FAM53B: variants seen among roughly 807,000 people sequenced by gnomAD.
FAM53B encodes family with sequence similarity 53 member B.
A neutral mutation model predicts 32.7 loss-of-function variants in FAM53B; 12 were observed. The observed-to-expected ratio is 0.37, with a 90% confidence interval of 0.24 to 0.59. The LOEUF (loss-of-function observed/expected upper bound fraction) is 0.59. FAM53B is among the 20% of genes least tolerant of loss of function. The pLI is 0.72. For synonymous variants in FAM53B, 234 were observed against 228.7 expected (o/e 1.02, Z -0.21); for missense variants, 477 against 577.7 (o/e 0.83, Z 1.79).
intron 2 of FAM53B, among the ~76,000 whole-genome samples, chr10:124,700,861 T>C (rs575233681): frequency 4.3e-4 from 65 of 152,212 alleles, no homozygotes; most frequent in Non-Finnish European, 8.4e-4. Flanking sequence ...CTCGCGCTCA[T>C]GCCCTGCGGG....
intron 1 of FAM53B, among the ~76,000 whole-genome samples, chr10:124,723,356 C>T (rs1463454274): frequency 6.6e-6 from 1 of 152,228 alleles, no homozygotes; most frequent in Non-Finnish European, 1.5e-5. Flanking sequence ...TTTCCGATAG[C>T]TATCAAAATG....
Position 124,671,696 on chromosome 10 carries a change from G to A in FAM53B, c.906+9911C>T, listed in dbSNP as rs140604134. ...GGTGACACATTACTGATGTGAGCTCGCGTTACTGCTCACAAACTAAGCCTC... is the reference window on the plus strand; with the variant it reads ...GGTGACACATTACTGATGTGAGCTCACGTTACTGCTCACAAACTAAGCCTC... On this transcript the variant is annotated intron_variant, in intron 4 of 4. Transcript: ENST00000337318. Among the ~76,000 whole-genome samples the A allele has an allele frequency of 2.7e-3, 413 of 152,284 alleles. 1 individual carries two copies. The highest frequency in any genetic ancestry group is 9.5e-3 in the African/African-American group (393 of 41,552).
intron 3 of FAM53B, among the ~76,000 whole-genome samples, chr10:124,685,213 A>T (rs918773301): frequency 1.3e-5 from 2 of 152,256 alleles, no homozygotes; most frequent in Non-Finnish European, 2.9e-5. Flanking sequence ...TTAATAGTGG[A>T]TTGGCAGACA....
chr10:124,654,697 C>T (rs1949576390), intron 4 of FAM53B, among the ~76,000 whole-genome samples: 1 of 152,192 alleles, frequency 6.6e-6, no homozygotes, highest in Non-Finnish European at 1.5e-5. Flanking sequence ...GAGGAAGGGA[C>T]ATCTCTGCGG....
In FAM53B at chr10:124,740,035, T is replaced by A. The variant is rs545765103; in HGVS notation, c.-175+3978A>T. Reference sequence around the variant, plus strand: ...GAAAAGCTCAAGTATCTCCAATCACTGTGAGGGGAAAGAAAATAAAATCTT... The same window carrying A: ...GAAAAGCTCAAGTATCTCCAATCACAGTGAGGGGAAAGAAAATAAAATCTT... On this transcript the variant is annotated intron_variant, in intron 1 of 4. Coordinates refer to ENST00000337318, the MANE Select transcript of FAM53B (RefSeq NM_014661.4). Among the ~76,000 whole-genome samples the A allele has an allele frequency of 2.6e-5, 4 of 152,286 alleles. No individual in the cohort carries two copies. In the South Asian group the frequency reaches 8.3e-4, roughly 32 times the overall value.
chr10:124,716,832 C>T (rs1007886264), intron 1 of FAM53B, among the ~76,000 whole-genome samples: 2 of 151,852 alleles, frequency 1.3e-5, no homozygotes, highest in Admixed American at 1.3e-4. Flanking sequence ...AGCTAGATGC[C>T]GCCTTCTGCT....
intron 4 of FAM53B, among the ~76,000 whole-genome samples, chr10:124,642,613 G>A (rs1949484165): frequency 6.6e-6 from 1 of 152,230 alleles, no homozygotes. Flanking sequence ...AGTGAACACG[G>A]AACCTGAAAT....
intron 4 of FAM53B, among the ~76,000 whole-genome samples, chr10:124,639,686 C>T (rs1358998948): frequency 6.6e-6 from 1 of 152,164 alleles, no homozygotes; most frequent in Non-Finnish European, 1.5e-5. Flanking sequence ...CCCCCCCTTT[C>T]TATATTTTCC....
intron 4 of FAM53B, among the ~76,000 whole-genome samples, chr10:124,668,085 G>A (rs564939777): frequency 4.6e-5 from 7 of 152,350 alleles, no homozygotes; most frequent in African/African-American, 1.7e-4. Context: ...CCTAGGTTTG[G>A]AGCAGATGCC....
rs1949890789 is a variant in FAM53B, at chr10:124,698,524, A to G, written c.79-2312T>C. Among the ~76,000 whole-genome samples, 3 of 152,146 alleles carry G rather than the reference A, an allele frequency of 2.0e-5. 1 individual carries two copies. The South Asian group carries it at 6.2e-4, about 31-fold the overall frequency. Reference sequence around the variant, plus strand: ...GATGCTGGGGTCTGTCTGCCCACAGAGGCAGCACTGGGCCAGCACACAGAG... The same window carrying G: ...GATGCTGGGGTCTGTCTGCCCACAGGGGCAGCACTGGGCCAGCACACAGAG... On this transcript the variant is annotated intron_variant, in intron 2 of 4. Transcript: ENST00000337318.
chr10:124,686,985 C>G (rs1949806786), intron 3 of FAM53B, among the ~76,000 whole-genome samples: 1 of 152,242 alleles, frequency 6.6e-6, no homozygotes, highest in African/African-American at 2.4e-5. Flanking sequence ...TATTGTGTAT[C>G]AACACCAGCC....
intron 4 of FAM53B, among the ~76,000 whole-genome samples, chr10:124,670,479 G>A (rs1275844399): frequency 6.6e-6 from 1 of 152,096 alleles, no homozygotes; most frequent in Non-Finnish European, 1.5e-5. Flanking sequence ...CAACCGTGAT[G>A]GCCCTGCCGA....
intron 1 of FAM53B, among the ~76,000 whole-genome samples, chr10:124,737,036 GGCA>G (rs1381555922): frequency 6.6e-6 from 1 of 152,248 alleles, no homozygotes; most frequent in Non-Finnish European, 1.5e-5. Flanking sequence ...GATTTCTGCA[GGCA>G]GCATGTCTTC....
chr10:124,695,520 C>T (rs1200349528), intron 3 of FAM53B, among the ~76,000 whole-genome samples: 1 of 152,204 alleles, frequency 6.6e-6, no homozygotes, highest in African/African-American at 2.4e-5. Context: ...AGCAAATCAT[C>T]ACAAAGGCAG....
chr10:124,736,742 C>T (rs1950176070), intron 1 of FAM53B, among the ~76,000 whole-genome samples: 1 of 152,256 alleles, frequency 6.6e-6, no homozygotes, highest in Admixed American at 6.5e-5. Flanking sequence ...GCCTCTCCTG[C>T]ACAAGGCACA....
At chr10:124,661,978 C>T (rs1001963375) in intron 4 of FAM53B, among the ~76,000 whole-genome samples, 4 of 152,344 alleles carry the variant, frequency 2.6e-5, no homozygotes, top group African/African-American at 9.6e-5. Flanking sequence ...GGCTGCCTCA[C>T]ACCAGGGATC....
At chr10:124,711,591 C>A (rs901268841) in intron 1 of FAM53B, among the ~76,000 whole-genome samples, 38 of 152,122 alleles carry the variant, frequency 2.5e-4, no homozygotes, top group Non-Finnish European at 5.6e-4. Context: ...ATAGCACTAA[C>A]CACCAAAAGA....
At chr10:124,728,842 G>C (rs1950123619) in intron 1 of FAM53B, among the ~76,000 whole-genome samples, 1 of 152,220 alleles carries the variant, frequency 6.6e-6, no homozygotes, top group East Asian at 1.9e-4. Context: ...CCATGCAGAG[G>C]AGCAAGAGAT....
chr10:124,681,602 C>G lies in FAM53B; in HGVS notation c.906+5G>C. ...AAGGTGACTCCAGGCTGCTGGGGCT[C>G]TTACCTGTGCCATCTTGGCAAGGTC... On this transcript the variant is annotated splice_donor_5th_base_variant and intron_variant, in intron 4 of 4. Coordinates refer to ENST00000337318, the MANE Select transcript of FAM53B (RefSeq NM_014661.4). 6.3e-7 allele frequency: 1 copy of G among 1,582,714 alleles called. No homozygotes were observed. Among genetic ancestry groups the G allele is most frequent in the Non-Finnish European group, 8.6e-7 (1 of 1,160,588 alleles).
Sources: gnomAD v4.1 joint callset for allele counts (sites outside exome capture counted in the v4.1 genomes callset) on GRCh38, gnomAD v4.1.1 for gene constraint, MANE v1.5 for transcripts, NCBI Gene and HGNC (gene_info 2026-07-23, HGNC 2026-07-21) for gene names.